Variants in TBC1D5 observed in about 807,000 individuals in gnomAD.
The protein encoded by TBC1D5 is TBC1 domain family member 5, also known as TBC1 domain family, member 5.
In TBC1D5, 75 loss-of-function variants were observed where a neutral mutation model predicts 100.3. That is an observed-to-expected ratio of 0.75 (90% CI 0.62 to 0.91). The LOEUF (loss-of-function observed/expected upper bound fraction) is 0.91, where lower values mean the gene tolerates loss of function less well. Ranked by LOEUF, TBC1D5 falls within the 40% of genes least tolerant of loss-of-function variation. The probability of loss-of-function intolerance (pLI) is 0.00; values close to 1 mark genes in which losing one functional copy is unlikely to be tolerated. For synonymous variants in TBC1D5, 323 were observed against 325.6 expected, an observed-to-expected ratio of 0.99 and a Z score of 0.09; for missense variants, 910 against 942.4, an observed-to-expected ratio of 0.97 and a Z score of 0.45.
chr3:17,276,398 C>T (rs558127711), intron 15 of TBC1D5, among the ~76,000 whole-genome samples: 2 of 152,124 alleles, frequency 1.3e-5, no homozygotes, highest in South Asian at 4.2e-4. Context: ...CAGCCTGCCA[C>T]CAAAAGTGAA....
intron 14 of TBC1D5, among the ~76,000 whole-genome samples, chr3:17,299,023 AATTATGGTAAAAG>A (rs1228130182): frequency 6.6e-6 from 1 of 152,224 alleles, no homozygotes; most frequent in Admixed American, 6.5e-5. Context: ...GCAATTTATA[AATTATGGTAAAAG>A]ATTAGCAACA....
intron 19 of TBC1D5, among the ~76,000 whole-genome samples, chr3:17,168,480 C>G (rs577159432): frequency 6.6e-6 from 1 of 152,280 alleles, no homozygotes; most frequent in East Asian, 1.9e-4. Context: ...CAGCATCACA[C>G]TAAGTTGCTT....
chr3:17,562,511 TAAAACAAAA>T (rs1246468316), intron 2 of TBC1D5, among the ~76,000 whole-genome samples: 1 of 148,984 alleles, frequency 6.7e-6, no homozygotes, highest in Non-Finnish European at 1.5e-5. Flanking sequence ...CTGCATGACT[TAAAACAAAA>T]AAAAAAAAGA....
At chr3:17,640,236 G>A (rs905846511) in intron 1 of TBC1D5, among the ~76,000 whole-genome samples, 1 of 152,052 alleles carries the variant, frequency 6.6e-6, no homozygotes, top group Admixed American at 6.6e-5. Flanking sequence ...GCCATTTGGT[G>A]TAGCTAAAGG....
intron 1 of TBC1D5, among the ~76,000 whole-genome samples, chr3:17,704,426 G>C (rs1417404628): frequency 6.6e-6 from 1 of 150,610 alleles, no homozygotes; most frequent in Non-Finnish European, 1.5e-5. Flanking sequence ...CGTTCTCAAT[G>C]AGCTGTTGGG....
intron 2 of TBC1D5, among the ~76,000 whole-genome samples, chr3:17,583,224 G>A (rs899034038): frequency 6.6e-6 from 1 of 152,098 alleles, no homozygotes; most frequent in African/African-American, 2.4e-5. Flanking sequence ...GGTAGAGGTT[G>A]CAGTGGGCTG....
chr3:17,678,666 T>TAAAAAAAAAAAAAAAAAAAAAAAAGAAA (rs150614567), intron 1 of TBC1D5, among the ~76,000 whole-genome samples: 2 of 109,098 alleles, frequency 1.8e-5, no homozygotes, highest in Non-Finnish European at 3.6e-5. Context: ...AAAAGAGGGA[T>TAAAAAAAAAAAAAAAAAAAAAAAAGAAA]AAAAAAAAAA....
intron 17 of TBC1D5, among the ~76,000 whole-genome samples, chr3:17,216,828 G>A (rs1182638779): frequency 1.3e-5 from 2 of 152,070 alleles, no homozygotes; most frequent in Non-Finnish European, 2.9e-5. Flanking sequence ...ACTTATATGT[G>A]AATACACTTT....
At chr3:17,552,794 T>G (rs111713679) in intron 2 of TBC1D5, among the ~76,000 whole-genome samples, 11 of 152,058 alleles carry the variant, frequency 7.2e-5, no homozygotes, top group African/African-American at 2.4e-4. Flanking sequence ...AAAAAGGAGT[T>G]TGTCATGGGA....
chr3:17,629,095 A>G (rs2063296245), intron 1 of TBC1D5, among the ~76,000 whole-genome samples: 1 of 152,272 alleles, frequency 6.6e-6, no homozygotes, highest in Non-Finnish European at 1.5e-5. Context: ...CAAGTATCAA[A>G]TATCTATTTA....
chr3:17,608,373 G>C (rs2061469718), intron 2 of TBC1D5, among the ~76,000 whole-genome samples: 1 of 152,150 alleles, frequency 6.6e-6, no homozygotes, highest in African/African-American at 2.4e-5. Flanking sequence ...AATACATAAT[G>C]AGTAAAAAGG....
intron 13 of TBC1D5, among the ~76,000 whole-genome samples, chr3:17,310,752 TTA>T (rs1455626462): frequency 6.6e-6 from 1 of 152,038 alleles, no homozygotes; most frequent in Admixed American, 6.6e-5. Context: ...CATGTTTCTT[TTA>T]TATAAAGACT....
intron 14 of TBC1D5, among the ~76,000 whole-genome samples, chr3:17,307,560 T>C (rs996415253): frequency 6.6e-6 from 1 of 152,190 alleles, no homozygotes; most frequent in African/African-American, 2.4e-5. Flanking sequence ...CCTTTAAATG[T>C]ATTTGTTTTT....
chr3:17,424,457 A>G (rs2094291731), intron 4 of TBC1D5, among the ~76,000 whole-genome samples: 1 of 152,302 alleles, frequency 6.6e-6, no homozygotes, highest in Middle Eastern at 3.4e-3. Context: ...CTCAGTTTTA[A>G]TGGTTAAATA....
At chr3:17,648,019 T>C (rs181386584) in intron 1 of TBC1D5, among the ~76,000 whole-genome samples, 7 of 152,290 alleles carry the variant, frequency 4.6e-5, no homozygotes, top group Non-Finnish European at 8.8e-5. Context: ...AGACACCGAA[T>C]AGCCAAGGCA....
intron 18 of TBC1D5, among the ~76,000 whole-genome samples, chr3:17,205,604 G>A (rs2072055740): frequency 6.6e-6 from 1 of 152,162 alleles, no homozygotes; most frequent in Admixed American, 6.5e-5. Context: ...ATTGTTGGCT[G>A]CCTCATCACA....
chr3:17,347,236 G>A (rs1323223788), intron 13 of TBC1D5, among the ~76,000 whole-genome samples: 1 of 152,116 alleles, frequency 6.6e-6, no homozygotes, highest in Non-Finnish European at 1.5e-5. Context: ...TCAGGGAACA[G>A]TATTCGTTTT....
intron 1 of TBC1D5, among the ~76,000 whole-genome samples, chr3:17,649,001 C>A: frequency 6.6e-6 from 1 of 152,316 alleles, no homozygotes; most frequent in Non-Finnish European, 1.5e-5. Context: ...GAATATAAAT[C>A]ATTCTACCAC....
intron 5 of TBC1D5, 35 bp downstream of exon 5, chr3:17,406,383 C>T (rs748958996): frequency 2.5e-6 from 4 of 1,583,732 alleles, no homozygotes; most frequent in Admixed American, 3.6e-5. Flanking sequence ...TGATATATTG[C>T]AACCAGAAAC....
Sources: gnomAD v4.1 joint callset for allele counts (sites outside exome capture counted in the v4.1 genomes callset) on GRCh38, gnomAD v4.1.1 for gene constraint, MANE v1.5 for transcripts, NCBI Gene and HGNC (gene_info 2026-07-23, HGNC 2026-07-21) for gene names.